Variants in COX7B2 observed in about 807,000 individuals in gnomAD.
The protein encoded by COX7B2 is cytochrome c oxidase subunit 7B2, also known as cytochrome c oxidase subunit 7B2, mitochondrial.
For missense variants in COX7B2, 109 were observed against 95.9 expected (o/e 1.14, Z -0.57); for synonymous variants, 37 against 32.1 (o/e 1.15, Z -0.51).
intron 2 of COX7B2, among the ~76,000 whole-genome samples, chr4:46,771,428 A>T (rs1716870580): frequency 6.6e-6 from 1 of 152,162 alleles, no homozygotes; most frequent in African/African-American, 2.4e-5. Context: ...AAATAAAAAT[A>T]TAACCACCAC....
chr4:46,752,124 G>A (rs1715422199), intron 2 of COX7B2, among the ~76,000 whole-genome samples: 2 of 152,008 alleles, frequency 1.3e-5, no homozygotes, highest in Non-Finnish European at 2.9e-5. Context: ...TCCTTGAAGA[G>A]GTCCTTCATA....
chr4:46,785,124 A>G (rs1310597139), intron 2 of COX7B2, among the ~76,000 whole-genome samples: 1 of 152,224 alleles, frequency 6.6e-6, no homozygotes, highest in Middle Eastern at 3.2e-3. Flanking sequence ...AAATTCTCAG[A>G]TAAGGCACAG....
At chr4:46,763,144 T>C (rs1331123496) in intron 2 of COX7B2, among the ~76,000 whole-genome samples, 1 of 111,396 alleles carries the variant, frequency 9.0e-6, no homozygotes, top group Non-Finnish European at 1.8e-5. Context: ...TGTATAATTA[T>C]ATATTATAAT....
chr4:46,864,098 A>G (rs1158134883), intron 1 of COX7B2, among the ~76,000 whole-genome samples: 1 of 152,058 alleles, frequency 6.6e-6, no homozygotes, highest in Non-Finnish European at 1.5e-5. Context: ...GAAATAATTA[A>G]CTCCCCCATT....
At chr4:46,773,209 T>C (rs6828192) in intron 2 of COX7B2, among the ~76,000 whole-genome samples, 49,898 of 151,974 alleles carry the variant, frequency 0.33, 8,476 homozygotes, top group South Asian at 0.47. Flanking sequence ...TGTCCCCACC[T>C]AAATCTCATC....
chr4:46,833,929 C>T (rs1388579791), intron 2 of COX7B2, among the ~76,000 whole-genome samples: 1 of 151,934 alleles, frequency 6.6e-6, no homozygotes, highest in Non-Finnish European at 1.5e-5. Context: ...CAGTTCAAAA[C>T]AAGAATGTAA....
intron 2 of COX7B2, among the ~76,000 whole-genome samples, chr4:46,750,195 T>TACACACACACACACACACAC (rs58139781): frequency 1.8e-4 from 20 of 113,924 alleles, no homozygotes; most frequent in East Asian, 5.5e-4. Flanking sequence ...ATCCCATCTC[T>TACACACACACACACACACAC]ACACACACAC....
chr4:46,815,728 A>G (rs897439771), intron 2 of COX7B2, among the ~76,000 whole-genome samples: 4 of 152,176 alleles, frequency 2.6e-5, no homozygotes, highest in African/African-American at 4.8e-5. Flanking sequence ...TTCTATTATT[A>G]AAACTGTCCC....
intron 2 of COX7B2, among the ~76,000 whole-genome samples, chr4:46,831,445 G>A (rs985772241): frequency 2.0e-5 from 3 of 152,180 alleles, no homozygotes; most frequent in South Asian, 2.1e-4. Context: ...CGCATGGCAC[G>A]GGACTGGCAG....
intron 2 of COX7B2, among the ~76,000 whole-genome samples, chr4:46,744,842 A>G (rs1714926747): frequency 1.3e-5 from 2 of 148,500 alleles, no homozygotes; most frequent in South Asian, 4.2e-4. Context: ...TCCCAGGTTC[A>G]AGCAATTCTC....
chr4:46,810,686 T>C (rs1719243201), intron 2 of COX7B2, among the ~76,000 whole-genome samples: 1 of 152,116 alleles, frequency 6.6e-6, no homozygotes, highest in Admixed American at 6.5e-5. Flanking sequence ...CACAACACCA[T>C]TAAAGTATTG....
intron 2 of COX7B2, among the ~76,000 whole-genome samples, chr4:46,802,939 T>C (rs764452424): frequency 1.3e-5 from 2 of 152,136 alleles, no homozygotes; most frequent in Non-Finnish European, 2.9e-5. Flanking sequence ...CCTGAGCTAA[T>C]AGGTACCTGA....
chr4:46,880,536 C>T (rs932829853), intron 1 of COX7B2, among the ~76,000 whole-genome samples: 1 of 149,862 alleles, frequency 6.7e-6, no homozygotes, highest in Non-Finnish European at 1.5e-5. Context: ...TGCATGTGTC[C>T]AAGAATGTAT....
At chr4:46,784,044 T>C (rs569465325) in intron 2 of COX7B2, among the ~76,000 whole-genome samples, 6 of 152,316 alleles carry the variant, frequency 3.9e-5, no homozygotes, top group African/African-American at 1.2e-4. Context: ...CTAACTCACT[T>C]GTTTTAGGTT....
rs146891926 is a variant in COX7B2, at chr4:46,839,956, G to A, written c.-50+5004C>T. 9.2e-5 allele frequency among the ~76,000 whole-genome samples: 14 copies of A among 152,136 alleles called. No homozygotes were observed. In the East Asian group the frequency reaches 2.5e-3, roughly 27 times the overall value. On this transcript the variant is annotated intron_variant, in intron 2 of 2. Coordinates refer to ENST00000355591, the MANE Select transcript of COX7B2 (RefSeq NM_130902.3). ...CATTTATTTTAACTGTAATACTAAT[G>A]AGTATCCATTAGGGAACTGAGACAA...
intron 1 of COX7B2, among the ~76,000 whole-genome samples, chr4:46,855,645 T>C (rs1716964024): frequency 6.6e-6 from 1 of 152,026 alleles, no homozygotes; most frequent in Non-Finnish European, 1.5e-5. Flanking sequence ...AAAAAAAGCA[T>C]GTAAATAACA....
chr4:46,752,871 TA>T (rs1715487306), intron 2 of COX7B2, among the ~76,000 whole-genome samples: 2 of 152,178 alleles, frequency 1.3e-5, no homozygotes, highest in African/African-American at 4.8e-5. Context: ...GATATTGGTC[TA>T]AAATTCTCTT....
At chr4:46,760,394 C>A (rs1216255190) in intron 2 of COX7B2, among the ~76,000 whole-genome samples, 2 of 152,124 alleles carry the variant, frequency 1.3e-5, no homozygotes, top group African/African-American at 4.8e-5. Context: ...AGGATGAGTT[C>A]ATGTCCTTTG....
At chr4:46,855,755 T>C (rs1422194586) in intron 1 of COX7B2, among the ~76,000 whole-genome samples, 3 of 152,114 alleles carry the variant, frequency 2.0e-5, no homozygotes. Flanking sequence ...CATGTGGGTT[T>C]CAGATCATTT....
Sources: gnomAD v4.1 joint callset for allele counts (sites outside exome capture counted in the v4.1 genomes callset) on GRCh38, gnomAD v4.1.1 for gene constraint, MANE v1.5 for transcripts, NCBI Gene and HGNC (gene_info 2026-07-23, HGNC 2026-07-21) for gene names.